HTR4: variants seen among roughly 807,000 people sequenced by gnomAD.
The protein encoded by HTR4 is 5-hydroxytryptamine receptor 4.
In HTR4, 16 loss-of-function variants were observed where a neutral mutation model predicts 36.8. The observed-to-expected ratio is 0.43, with a 90% confidence interval of 0.29 to 0.66. The LOEUF is 0.66. Among genes scored for constraint, HTR4 ranks in the 30% least tolerant of loss-of-function variants. The pLI is 0.13. For missense variants in HTR4, 438 were observed against 490.9 expected (o/e 0.89, Z 1.02); for synonymous variants, 189 against 185.1 (o/e 1.02, Z -0.17).
chr5:148,554,017 T>C (rs959694794), intron 2 of HTR4, among the ~76,000 whole-genome samples: 3 of 152,244 alleles, frequency 2.0e-5, no homozygotes, highest in Admixed American at 6.5e-5. Flanking sequence ...TAGAATGTGG[T>C]ATATACATAC....
intron 5 of HTR4, among the ~76,000 whole-genome samples, chr5:148,459,508 CAAGAACCAAAGGGGGTGACAAACT>C (rs1755210693): frequency 6.6e-6 from 1 of 152,102 alleles, no homozygotes; most frequent in Non-Finnish European, 1.5e-5. Context: ...TTAAGCCACC[CAAGAACCAAAGGGGGTGACAAACT>C]AAGAAGCACG....
intron 5 of HTR4, among the ~76,000 whole-genome samples, chr5:148,515,812 G>A (rs1253330412): frequency 3.3e-5 from 5 of 151,576 alleles, no homozygotes; most frequent in African/African-American, 9.7e-5. Flanking sequence ...TATTTAACCT[G>A]CTGGGGTTTT....
intron 2 of HTR4, among the ~76,000 whole-genome samples, chr5:148,618,591 G>A (rs1157609317): frequency 6.6e-6 from 1 of 152,188 alleles, no homozygotes; most frequent in Admixed American, 6.5e-5. Flanking sequence ...GGCCCTTCAG[G>A]CACAAGGATG....
intron 5 of HTR4, among the ~76,000 whole-genome samples, chr5:148,451,591 C>T (rs1754974916): frequency 6.6e-6 from 1 of 152,118 alleles, no homozygotes; most frequent in Non-Finnish European, 1.5e-5. Context: ...TGTCACTCAT[C>T]AGAATGAACC....
downstream of HTR4, among the ~76,000 whole-genome samples, chr5:148,473,562 C>A (rs1755625128): frequency 6.6e-6 from 1 of 152,194 alleles, no homozygotes; most frequent in Non-Finnish European, 1.5e-5. Context: ...ACTGGTCTTA[C>A]TACTTTTTGC....
chr5:148,612,145 C>G (rs1307972488), intron 2 of HTR4, among the ~76,000 whole-genome samples: 1 of 152,130 alleles, frequency 6.6e-6, no homozygotes, highest in Non-Finnish European at 1.5e-5. Flanking sequence ...CAAGGATACC[C>G]AGGAATTAAA....
At chr5:148,539,991 T>C in intron 4 of HTR4, among the ~76,000 whole-genome samples, 1 of 152,086 alleles carries the variant, frequency 6.6e-6, no homozygotes, top group East Asian at 1.9e-4. Flanking sequence ...GAATGACCGA[T>C]TAGATAACAA....
intron 2 of HTR4, among the ~76,000 whole-genome samples, chr5:148,588,609 C>T (rs910620819): frequency 2.1e-5 from 3 of 145,446 alleles, no homozygotes; most frequent in East Asian, 2.1e-4. Flanking sequence ...GGCGCAATCT[C>T]GGCTCACTGC....
downstream of HTR4, among the ~76,000 whole-genome samples, chr5:148,471,827 AG>A (rs1288670760): frequency 1.3e-5 from 2 of 152,182 alleles, no homozygotes; most frequent in Admixed American, 1.3e-4. Flanking sequence ...TTTAGGGAAA[AG>A]ATCATGGATT....
intron 6 of HTR4, among the ~76,000 whole-genome samples, chr5:148,507,771 C>T (rs1240247215): frequency 6.6e-6 from 1 of 152,148 alleles, no homozygotes; most frequent in African/African-American, 2.4e-5. Context: ...AAAAAACCAT[C>T]AACTGCTAAA....
chr5:148,578,455 G>A (rs76082255), intron 2 of HTR4, among the ~76,000 whole-genome samples: 44 of 151,982 alleles, frequency 2.9e-4, no homozygotes, highest in Non-Finnish European at 5.6e-4. Context: ...TTGAACAAAG[G>A]TATCTCTTTC....
intron 2 of HTR4, among the ~76,000 whole-genome samples, chr5:148,613,853 GT>G (rs1207348777): frequency 1.2e-4 from 19 of 152,042 alleles, no homozygotes; most frequent in African/African-American, 4.3e-4. Flanking sequence ...CAAAATCAAT[GT>G]GCAAAAATCA....
chr5:148,573,465 T>C (rs1760760779), intron 2 of HTR4, among the ~76,000 whole-genome samples: 1 of 152,036 alleles, frequency 6.6e-6, no homozygotes, highest in Non-Finnish European at 1.5e-5. Flanking sequence ...ATGTTCCCAT[T>C]TTACATGCTA....
intron 2 of HTR4, among the ~76,000 whole-genome samples, chr5:148,610,370 G>A (rs964534517): frequency 2.8e-4 from 43 of 151,052 alleles, no homozygotes; most frequent in African/African-American, 7.3e-5. Context: ...TCCCTGACCC[G>A]TGACCCCCGA....
chr5:148,560,968 GAAAATGGTAGGAGA>G (rs1760177200), intron 2 of HTR4, among the ~76,000 whole-genome samples: 1 of 152,136 alleles, frequency 6.6e-6, no homozygotes, highest in South Asian at 2.1e-4. Flanking sequence ...GCTGGCTATA[GAAAATGGTAGGAGA>G]AAAAAGGAAT....
intron 4 of HTR4, among the ~76,000 whole-genome samples, chr5:148,525,156 C>T (rs1231831489): frequency 6.6e-6 from 1 of 152,150 alleles, no homozygotes; most frequent in Non-Finnish European, 1.5e-5. Context: ...CTAAAGATAA[C>T]TCAGTCATTG....
chr5:148,508,227 T>C (rs1757315054), intron 6 of HTR4, among the ~76,000 whole-genome samples: 1 of 152,212 alleles, frequency 6.6e-6, no homozygotes, highest in South Asian at 2.1e-4. Flanking sequence ...AAAAATTAAA[T>C]GCTTGTTTCA....
chr5:148,548,734 C>A lies in HTR4; in HGVS notation c.287G>T (p.Arg96Leu). Residue 96 changes from arginine to leucine, a missense_variant, in exon 4 of 7, where the codon CGG becomes CTG. Coordinates refer to ENST00000377888, the MANE Select transcript of HTR4 (RefSeq NM_000870.7). ...WIYGEVFCLV[R>L]TSLDVLLTTA... ...TGTGAGCAGGACGTCCAGAGATGTC[C>A]GAACAAGACAAAACACCTCCCCATA... 1 of 1,612,854 alleles carries A rather than the reference C, an allele frequency of 6.2e-7. No individual in the cohort carries two copies. The highest frequency in any genetic ancestry group is 1.1e-5 in the South Asian group (1 of 90,884).
chr5:148,495,885 G>A (rs1292071649), intron 6 of HTR4, among the ~76,000 whole-genome samples: 2 of 151,948 alleles, frequency 1.3e-5, no homozygotes, highest in African/African-American at 2.4e-5. Context: ...GGTGAATCAC[G>A]AGGTCAGGAG....
Sources: gnomAD v4.1 joint callset for allele counts (sites outside exome capture counted in the v4.1 genomes callset) on GRCh38, gnomAD v4.1.1 for gene constraint, MANE v1.5 for transcripts, NCBI Gene and HGNC (gene_info 2026-07-23, HGNC 2026-07-21) for gene names.